MANBA: variants seen among roughly 807,000 people sequenced by gnomAD.
MANBA encodes the protein beta-mannosidase.
A neutral mutation model predicts 111.1 loss-of-function variants in MANBA; 83 were observed. The observed-to-expected ratio is 0.75, with a 90% CI of 0.63 to 0.90. The LOEUF is 0.90. Among genes scored for constraint, MANBA ranks in the 40% least tolerant of loss-of-function variants. The probability of loss-of-function intolerance (pLI) is 0.00; values close to 1 mark genes in which losing one functional copy is unlikely to be tolerated. For missense variants in MANBA, 1,036 were observed against 1,069.0 expected (o/e 0.97, Z 0.43); for synonymous variants, 370 against 378.7 (o/e 0.98, Z 0.27).
Position 102,741,726 on chromosome 4 carries a change from G to T in MANBA, c.178-15043C>A, listed in dbSNP as rs1011467844. Among the ~76,000 whole-genome samples, 16 of 152,316 alleles carry T rather than the reference G, an allele frequency of 1.1e-4. No individual in the cohort carries two copies. The East Asian group carries it at 2.9e-3, about 28-fold the overall frequency. On this transcript the variant is annotated intron_variant, in intron 1 of 16. Transcript: ENST00000647097. ...CTTATAAGTGGGACCTAAGCTATGA[G>T]GATGCAAAAGGCTTAAGAATGATAT... is the stretch of plus-strand genomic sequence containing the variant.
At chr4:102,733,191 C>T (rs1193879394) in intron 1 of MANBA, among the ~76,000 whole-genome samples, 1 of 152,196 alleles carries the variant, frequency 6.6e-6, no homozygotes, top group Non-Finnish European at 1.5e-5. Flanking sequence ...AGCTCCTATA[C>T]TAGGCCTCAG....
At chr4:102,711,907 G>T (rs1394616074) in intron 5 of MANBA, among the ~76,000 whole-genome samples, 1 of 152,146 alleles carries the variant, frequency 6.6e-6, no homozygotes, top group Admixed American at 6.6e-5. Context: ...GAGGCTAGGA[G>T]GGGTATATGA....
chr4:102,724,694 G>A (rs1490409705), intron 2 of MANBA, among the ~76,000 whole-genome samples: 2 of 152,164 alleles, frequency 1.3e-5, no homozygotes, highest in African/African-American at 4.8e-5. Context: ...AGCCTTACAG[G>A]AAACTATAAC....
rs571175320 is a variant in MANBA at position 102,738,535 on chromosome 4, G to A, written c.178-11852C>T. On this transcript the variant is annotated intron_variant, in intron 1 of 16. Transcript: ENST00000647097. The stretch of plus-strand genomic sequence containing the variant: ...TGCAGTCTGGCTCTCAGAAATCCCC[G>A]TCCCTAGGGGAAGGGGGAGAGCATC... Among the ~76,000 whole-genome samples, 208 of 152,322 alleles carry A rather than the reference G, an allele frequency of 1.4e-3. 1 individual carries two copies. The highest frequency in any genetic ancestry group is 4.8e-3 in the African/African-American group (199 of 41,570).
intron 12 of MANBA, among the ~76,000 whole-genome samples, chr4:102,654,646 T>C (rs1011721957): frequency 6.6e-6 from 1 of 152,184 alleles, no homozygotes; most frequent in Non-Finnish European, 1.5e-5. Flanking sequence ...CATTCTTTCA[T>C]GATATAAGCA....
Position 102,689,637 on chromosome 4 carries a change from A to T in MANBA, c.897T>A (p.Thr299=). The change falls in exon 7 of 17, where the codon ACT becomes ACA. Residue 299 remains threonine, a synonymous_variant. Transcript: ENST00000647097. ...CAAAAAGAACAGTCATGTTGTACCC[A>T]GTCTGGTTTCCATGTCCATGAGGCC... The part of the protein sequence containing the change: ...TWWPHGHGNQ[T]GYNMTVLFEL... The T allele has an allele frequency of 6.2e-7, 1 of 1,611,962 alleles. No individual in the cohort carries two copies. Among genetic ancestry groups the T allele is most frequent in the East Asian group, 2.2e-5 (1 of 44,802 alleles).
intron 1 of MANBA, among the ~76,000 whole-genome samples, chr4:102,750,494 T>A (rs1723749464): frequency 6.6e-6 from 1 of 152,130 alleles, no homozygotes; most frequent in African/African-American, 2.4e-5. Flanking sequence ...CTGAAACACA[T>A]CAAAAATATT....
At chr4:102,722,444 GT>G (rs888703498) in intron 4 of MANBA, 1 of 195,104 alleles carries the variant, frequency 5.1e-6, no homozygotes, top group Non-Finnish European at 1.1e-5. Flanking sequence ...TTATCTTTTT[GT>G]TAGATTTTAT....
chr4:102,729,683 C>T (rs1227163489), intron 1 of MANBA: 12 of 1,550,416 alleles, frequency 7.7e-6, no homozygotes, highest in Admixed American at 1.7e-5. Context: ...TGCCAAGCTC[C>T]GCCTCCAGCT....
intron 11 of MANBA, chr4:102,658,979 T>A (rs1730790084): frequency 6.6e-6 from 1 of 152,214 alleles, no homozygotes; most frequent in South Asian, 2.1e-4. Flanking sequence ...AGAAGATTCA[T>A]TCATTTAGCA....
intron 1 of MANBA, among the ~76,000 whole-genome samples, chr4:102,758,129 C>T (rs1025416566): frequency 6.6e-6 from 1 of 152,206 alleles, no homozygotes; most frequent in Non-Finnish European, 1.5e-5. Context: ...TTCCAACCAG[C>T]CTTCACTGTC....
At chr4:102,724,168 A>G (rs976195548) in intron 2 of MANBA, among the ~76,000 whole-genome samples, 2 of 152,214 alleles carry the variant, frequency 1.3e-5, no homozygotes, top group African/African-American at 2.4e-5. Context: ...ATCTTTCTCT[A>G]TAATGTATCA....
chr4:102,645,885 T>C (rs764741722), intron 13 of MANBA, among the ~76,000 whole-genome samples: 3 of 152,152 alleles, frequency 2.0e-5, no homozygotes, highest in Non-Finnish European at 4.4e-5. Context: ...ATGTGCCAAA[T>C]TTCTGATGCC....
Position 102,690,152 on chromosome 4 carries a change from A to T in MANBA, c.849+444T>A, listed in dbSNP as rs558300757. On this transcript the variant is annotated intron_variant, in intron 6 of 16. Coordinates refer to ENST00000647097, the MANE Select transcript of MANBA (RefSeq NM_005908.4). Reference sequence around the variant, plus strand: ...ATAGAAAAAAGAAAAAGAAAAGATAAAAATAATCCGTTCTACCTTGATATA... The same window carrying T: ...ATAGAAAAAAGAAAAAGAAAAGATATAAATAATCCGTTCTACCTTGATATA... Among the ~76,000 whole-genome samples, 6 of 152,324 alleles carry T rather than the reference A, an allele frequency of 3.9e-5. No individual in the cohort carries two copies. The East Asian group carries it at 1.2e-3, about 29-fold the overall frequency.
chr4:102,687,735 T>C (rs1281189328), intron 7 of MANBA, among the ~76,000 whole-genome samples: 4 of 152,152 alleles, frequency 2.6e-5, no homozygotes, highest in African/African-American at 9.7e-5. Flanking sequence ...CATTTAATGA[T>C]TGAACTTCCC....
chr4:102,700,425 T>A (rs1732971737), intron 5 of MANBA, among the ~76,000 whole-genome samples: 1 of 152,292 alleles, frequency 6.6e-6, no homozygotes, highest in African/African-American at 2.4e-5. Flanking sequence ...TGCTCTTGCT[T>A]TTCTAATTCT....
chr4:102,721,329 C>CATACATAAATAAATAAATAAATAAATAA (rs71596361), intron 4 of MANBA, among the ~76,000 whole-genome samples: 2 of 151,012 alleles, frequency 1.3e-5, no homozygotes, highest in African/African-American at 4.9e-5. Context: ...ATCTCAAATA[C>CATACATAAATAAATAAATAAATAAATAA]ATAAATAAAT....
intron 1 of MANBA, among the ~76,000 whole-genome samples, chr4:102,751,243 G>T (rs1723778539): frequency 6.6e-6 from 1 of 152,136 alleles, no homozygotes; most frequent in African/African-American, 2.4e-5. Flanking sequence ...AATGATTGTG[G>T]GTGGAGCAGA....
chr4:102,683,510 G>C (rs1224834907), intron 7 of MANBA, among the ~76,000 whole-genome samples: 1 of 152,108 alleles, frequency 6.6e-6, no homozygotes, highest in Admixed American at 6.5e-5. Context: ...GCCATAATAA[G>C]CATTCAAAAA....
Sources: allele counts gnomAD v4.1 joint callset (sites outside exome capture counted in the v4.1 genomes callset), GRCh38; gene constraint gnomAD v4.1.1; transcripts MANE v1.5; gene names NCBI Gene and HGNC (gene_info 2026-07-23, HGNC 2026-07-21).